Variants in DNAH9 observed in about 807,000 individuals in gnomAD.
The protein encoded by DNAH9 is DNAH9 variant protein.
DNAH9 carries 345 observed loss-of-function variants against 471.6 expected under a neutral mutation model. The ratio of observed to expected loss-of-function variants is 0.73; its 90% CI spans 0.67 to 0.80. DNAH9 has a LOEUF of 0.80. DNAH9 is among the 30% of genes least tolerant of loss of function. The pLI is 0.00. For missense variants in DNAH9, 5,407 were observed against 5,609.2 expected, an observed-to-expected ratio of 0.96 and a Z score of 1.15; for synonymous variants, 2,093 against 2,123.6, an observed-to-expected ratio of 0.99 and a Z score of 0.40.
At chr17:11,956,258 T>TG (rs1975633061) in intron 67 of DNAH9, among the ~76,000 whole-genome samples, 1 of 152,020 alleles carries the variant, frequency 6.6e-6, no homozygotes, top group African/African-American at 2.4e-5. Context: ...TGAAGAGGAG[T>TG]ATTATATAAT....
At chr17:11,802,618 G>A (rs1318872038) in intron 43 of DNAH9, among the ~76,000 whole-genome samples, 2 of 146,228 alleles carry the variant, frequency 1.4e-5, no homozygotes, top group African/African-American at 5.1e-5. Context: ...AGCAACAAGA[G>A]TGAAACTCCA....
intron 36 of DNAH9, among the ~76,000 whole-genome samples, chr17:11,764,079 G>T (rs566328864): frequency 2.6e-5 from 4 of 152,084 alleles, no homozygotes; most frequent in Non-Finnish European, 5.9e-5. Context: ...CCATACGCGC[G>T]AAACTCAAAG....
At chr17:11,759,517 C>CTT (rs1157505657) in intron 35 of DNAH9, among the ~76,000 whole-genome samples, 20,517 of 83,738 alleles carry the variant, frequency 0.25, 3,280 homozygotes, top group Non-Finnish European at 0.33. Flanking sequence ...ATACACACCA[C>CTT]TTTTTTTTTT....
chr17:11,687,861 C>T (rs73975055), intron 19 of DNAH9, among the ~76,000 whole-genome samples: 3,175 of 151,878 alleles, frequency 0.021, 117 homozygotes, highest in African/African-American at 0.074. Context: ...TGCAGCCGAG[C>T]GGGATGGCTC....
rs191938371 is a variant in DNAH9 at position 11,711,472 on chromosome 17, T to G, written c.5552+6287T>G. 1.5e-3 allele frequency among the ~76,000 whole-genome samples: 234 copies of G among 152,290 alleles called. 1 individual carries two copies. The highest frequency in any genetic ancestry group is 5.6e-3 in the African/African-American group (231 of 41,566). Reference sequence around the variant, plus strand: ...ATATTTGAAGTTCTAAGTTCATCAGTCTACCTCAAAACTATGTATTCTGTT... The same window carrying G: ...ATATTTGAAGTTCTAAGTTCATCAGGCTACCTCAAAACTATGTATTCTGTT... On this transcript the variant is annotated intron_variant, in intron 26 of 68. Transcript: ENST00000262442.
intron 49 of DNAH9, among the ~76,000 whole-genome samples, chr17:11,836,207 G>A (rs1413830537): frequency 1.3e-5 from 2 of 152,096 alleles, no homozygotes; most frequent in African/African-American, 2.4e-5. Flanking sequence ...GTAAAGGGTT[G>A]AAAAGTCAAA....
rs2075446490 is a variant in DNAH9 at position 11,742,436 on chromosome 17, A to G, written c.6111+123A>G. The G allele has an allele frequency of 1.2e-5, 12 of 966,254 alleles. 1 individual carries two copies. The South Asian group carries it at 1.3e-4, about 11-fold the overall frequency. 59.9% of individuals were successfully genotyped at this position (966,254 alleles called of 1,614,324 possible). ...TTTCTCATAGAAAGTCACTGTACCC[A>G]TAAGCATGTCGAAACCTCTGAACAC... is the stretch of plus-strand genomic sequence containing the variant. On this transcript the variant is annotated intron_variant, in intron 30 of 68. Transcript: ENST00000262442.
intron 28 of DNAH9, among the ~76,000 whole-genome samples, chr17:11,736,324 A>G (rs2075345568): frequency 1.3e-5 from 2 of 152,336 alleles, no homozygotes; most frequent in African/African-American, 4.8e-5. Flanking sequence ...GATCTTCAGA[A>G]AACGATGCAT....
intron 22 of DNAH9, among the ~76,000 whole-genome samples, chr17:11,698,152 T>TA (rs1567728385): frequency 5.0e-5 from 2 of 39,714 alleles, no homozygotes; most frequent in African/African-American, 1.2e-4. Context: ...TAGTATTATA[T>TA]TATTAATATA....
At chr17:11,669,841 A>G in intron 17 of DNAH9, 47 bp downstream of exon 17, 1 of 1,491,240 alleles carries the variant, frequency 6.7e-7, no homozygotes, top group Non-Finnish European at 9.2e-7. Context: ...GGCTGTGAGG[A>G]ACACCATGTT....
chr17:11,617,296 C>A, intron 4 of DNAH9, 115 bp from the exon 5 acceptor site: 1 of 676,400 alleles, frequency 1.5e-6, no homozygotes, highest in East Asian at 2.7e-5. Flanking sequence ...TTTTCTGGAA[C>A]CAGCCTTCTC....
intron 19 of DNAH9, among the ~76,000 whole-genome samples, chr17:11,687,118 A>C (rs7213262): frequency 0.53 from 79,668 of 151,478 alleles, 22,931 homozygotes; most frequent in Admixed American, 0.67. Context: ...TCCTCTCTCT[A>C]TATATATGTA....
At chr17:11,849,821 T>G (rs745955345) in intron 49 of DNAH9, among the ~76,000 whole-genome samples, 1 of 152,356 alleles carries the variant, frequency 6.6e-6, no homozygotes, top group Middle Eastern at 3.4e-3. Flanking sequence ...AAAAGGACTT[T>G]GCCTTTCTTG....
chr17:11,807,907 G>A lies in DNAH9; in HGVS notation c.8583+13G>A. 6.3e-7 allele frequency: 1 copy of A among 1,592,056 alleles called. No individual in the cohort carries two copies. Among genetic ancestry groups the A allele is most frequent in the Non-Finnish European group, 8.6e-7 (1 of 1,162,652 alleles). On this transcript the variant is annotated intron_variant, in intron 44 of 68. Transcript: ENST00000262442. ...CCAGGACTTCAAGGTAAAAGGTCAG[G>A]CAGCTGCAGGGAGGAGGCTCAGCTT...
At chr17:11,807,328 G>T (rs1171876077) in intron 43 of DNAH9, among the ~76,000 whole-genome samples, 2 of 152,146 alleles carry the variant, frequency 1.3e-5, no homozygotes, top group Non-Finnish European at 1.5e-5. Context: ...TTTTTAAATT[G>T]TGTGTTTTCA....
rs764465004 is a variant in DNAH9 at position 11,884,031 on chromosome 17, A to G, written c.10971+281A>G. Among the ~76,000 whole-genome samples the G allele has an allele frequency of 6.8e-4, 104 of 152,278 alleles. 1 individual carries two copies. Among genetic ancestry groups the G allele is most frequent in the Non-Finnish European group, 2.4e-4 (16 of 68,000 alleles). The stretch of plus-strand genomic sequence containing the variant: ...CACTTAAGCCTTTGTGGGGCCTGGT[A>G]TTCTGTGCAGGGAATGGTAGCTCAA... On this transcript the variant is annotated intron_variant, in intron 56 of 68. Coordinates refer to ENST00000262442, the MANE Select transcript of DNAH9 (RefSeq NM_001372.4).
At chr17:11,956,830 A>ATT (rs1012888937) in intron 67 of DNAH9, among the ~76,000 whole-genome samples, 1 of 151,946 alleles carries the variant, frequency 6.6e-6, no homozygotes, top group Non-Finnish European at 1.5e-5. Context: ...GCAATGAAAA[A>ATT]AGTTCCCAAA....
chr17:11,761,379 C>A (rs4792170), intron 35 of DNAH9, among the ~76,000 whole-genome samples: 1 of 152,070 alleles, frequency 6.6e-6, no homozygotes, highest in African/African-American at 2.4e-5. Context: ...GCTGTAAAAG[C>A]GGGGTGGAGA....
chr17:11,814,756 C>G (rs1282718121), intron 45 of DNAH9, among the ~76,000 whole-genome samples: 1 of 152,148 alleles, frequency 6.6e-6, no homozygotes, highest in Non-Finnish European at 1.5e-5. Context: ...AAAGATCCAC[C>G]TCATATCCTA....
Sources: allele counts gnomAD v4.1 joint callset (sites outside exome capture counted in the v4.1 genomes callset), GRCh38; gene constraint gnomAD v4.1.1; transcripts MANE v1.5; gene names NCBI Gene and HGNC (gene_info 2026-07-23, HGNC 2026-07-21).